Variants in UNC5C observed in about 807,000 individuals in gnomAD.
UNC5C encodes the protein unc-5 netrin receptor C, also known as netrin receptor UNC5C.
UNC5C carries 47 observed loss-of-function variants against 99.8 expected under a neutral mutation model. The observed-to-expected ratio is 0.47, with a 90% CI of 0.37 to 0.60. UNC5C has a LOEUF of 0.60. Ranked by LOEUF, UNC5C falls within the 20% of genes least tolerant of loss-of-function variation. The pLI is 0.00. For missense variants in UNC5C, 1,062 were observed against 1,165.9 expected (o/e 0.91, Z 1.30); for synonymous variants, 487 against 452.2 (o/e 1.08, Z -0.98).
chr4:95,379,324 A>C (rs1744992149), intron 1 of UNC5C, among the ~76,000 whole-genome samples: 2 of 152,188 alleles, frequency 1.3e-5, no homozygotes, highest in African/African-American at 4.8e-5. Context: ...CTATTGGAAA[A>C]TTTGCTAAAA....
intron 1 of UNC5C, among the ~76,000 whole-genome samples, chr4:95,344,195 G>A (rs923450160): frequency 2.6e-5 from 4 of 151,678 alleles, no homozygotes; most frequent in Non-Finnish European, 4.4e-5. Context: ...CCTAAACGCA[G>A]CAAGAGAAAA....
chr4:95,340,825 C>T (rs1371841193), intron 1 of UNC5C, among the ~76,000 whole-genome samples: 1 of 152,078 alleles, frequency 6.6e-6, no homozygotes, highest in African/African-American at 2.4e-5. Flanking sequence ...TTAATCTATC[C>T]TCCTAAGTGT....
At chr4:95,519,389 T>TC (rs1050562706) in intron 1 of UNC5C, among the ~76,000 whole-genome samples, 3 of 152,058 alleles carry the variant, frequency 2.0e-5, no homozygotes, top group African/African-American at 7.2e-5. Context: ...TAAATGATGT[T>TC]CCCCCTTAAG....
intron 14 of UNC5C, among the ~76,000 whole-genome samples, chr4:95,172,479 C>T (rs1256813536): frequency 1.3e-5 from 2 of 152,152 alleles, no homozygotes; most frequent in African/African-American, 4.8e-5. Flanking sequence ...TTCCTCAGCA[C>T]CATTTATTAA....
At chr4:95,492,843 G>C (rs980782408) in intron 1 of UNC5C, among the ~76,000 whole-genome samples, 6 of 151,404 alleles carry the variant, frequency 4.0e-5, no homozygotes, top group African/African-American at 1.5e-4. Flanking sequence ...TTTATTTGAT[G>C]TCATTTTCAC....
chr4:95,393,801 C>T (rs1055966994), intron 1 of UNC5C, among the ~76,000 whole-genome samples: 12 of 150,380 alleles, frequency 8.0e-5, no homozygotes, highest in African/African-American at 2.7e-4. Context: ...TACAGAGTTG[C>T]TTTCTTTAGA....
intron 1 of UNC5C, among the ~76,000 whole-genome samples, chr4:95,387,642 T>C (rs369270498): frequency 1.2e-3 from 176 of 152,352 alleles, no homozygotes; most frequent in Middle Eastern, 6.8e-3. Context: ...CCTAAAACTC[T>C]GTGTTTCTAT....
chr4:95,531,941 A>G (rs1266210133), intron 1 of UNC5C, among the ~76,000 whole-genome samples: 2 of 152,232 alleles, frequency 1.3e-5, no homozygotes, highest in African/African-American at 2.4e-5. Flanking sequence ...ATATTCCATA[A>G]GATAGAATTC....
At chr4:95,532,014 C>A (rs1449862802) in intron 1 of UNC5C, among the ~76,000 whole-genome samples, 2 of 152,204 alleles carry the variant, frequency 1.3e-5, no homozygotes, top group Admixed American at 1.3e-4. Flanking sequence ...TTGTACACCT[C>A]TTTAATTCCC....
intron 12 of UNC5C, among the ~76,000 whole-genome samples, chr4:95,194,365 A>C (rs895981003): frequency 1.3e-5 from 2 of 152,222 alleles, no homozygotes; most frequent in Admixed American, 1.3e-4. Context: ...TTGCCATAAG[A>C]AATCACCACT....
intron 1 of UNC5C, among the ~76,000 whole-genome samples, chr4:95,390,047 C>G (rs1323840849): frequency 1.3e-5 from 2 of 152,070 alleles, no homozygotes; most frequent in Non-Finnish European, 2.9e-5. Context: ...CCCCAAAACT[C>G]ACTGAAATGA....
chr4:95,521,102 C>T (rs941090572), intron 1 of UNC5C, among the ~76,000 whole-genome samples: 6 of 151,894 alleles, frequency 4.0e-5, no homozygotes, highest in African/African-American at 1.5e-4. Context: ...AGGATGCCTG[C>T]ATGATTAGAT....
At chr4:95,196,821 T>TTATATTTATGTAATATATAATA (rs1560726705) in intron 12 of UNC5C, among the ~76,000 whole-genome samples, 102 of 514 alleles carry the variant, frequency 0.2, no homozygotes, top group South Asian at 0.43. Context: ...TAATATATAT[T>TTATATTTATGTAATATATAATA]TATATATTAT....
intron 1 of UNC5C, among the ~76,000 whole-genome samples, chr4:95,450,423 A>G (rs1330203950): frequency 2.0e-5 from 3 of 152,292 alleles, no homozygotes; most frequent in South Asian, 2.1e-4. Context: ...GTGTGTCACT[A>G]TGAAACTCCT....
Position 95,416,595 on chromosome 4 carries a change from T to G in UNC5C, c.125-80964A>C, listed in dbSNP as rs556381768. Among the ~76,000 whole-genome samples, 8 of 152,316 alleles carry G rather than the reference T, an allele frequency of 5.3e-5. No homozygotes were observed. In the East Asian group the frequency reaches 1.5e-3, roughly 29 times the overall value. ...CAGGTATTATTTGATTCAGGTTAAA[T>G]GGAGACATTCGGACAATTAGGACAG... On this transcript the variant is annotated intron_variant, in intron 1 of 15. Coordinates refer to ENST00000453304, the MANE Select transcript of UNC5C (RefSeq NM_003728.4).
Position 95,202,972 on chromosome 4 carries a change from A to G in UNC5C, c.1903-8T>C. On this transcript the variant is annotated splice_polypyrimidine_tract_variant and splice_region_variant and intron_variant, in intron 11 of 15. Transcript: ENST00000453304. ...CCCGACCACCACCACATCCTGGGGG[A>G]CAAGAGGGAAGGGCCATGGCTAAGT... 1 of 1,613,840 alleles carries G rather than the reference A, an allele frequency of 6.2e-7. No individual in the cohort carries two copies.
At chr4:95,273,680 A>C (rs775462650) in intron 4 of UNC5C, among the ~76,000 whole-genome samples, 4 of 152,218 alleles carry the variant, frequency 2.6e-5, no homozygotes, top group Admixed American at 2.6e-4. Flanking sequence ...GGAAACACTG[A>C]GCTATATCAT....
intron 1 of UNC5C, among the ~76,000 whole-genome samples, chr4:95,390,729 T>C (rs1408097563): frequency 6.6e-6 from 1 of 152,196 alleles, no homozygotes; most frequent in African/African-American, 2.4e-5. Flanking sequence ...AGCAACTTGG[T>C]GACAGGCTTT....
intron 1 of UNC5C, among the ~76,000 whole-genome samples, chr4:95,471,169 C>T (rs1275496257): frequency 6.6e-6 from 1 of 151,858 alleles, no homozygotes; most frequent in Non-Finnish European, 1.5e-5. Flanking sequence ...ACTGAGAAGG[C>T]TGGAATTAAA....
Sources: gnomAD v4.1 joint callset for allele counts (sites outside exome capture counted in the v4.1 genomes callset) on GRCh38, gnomAD v4.1.1 for gene constraint, MANE v1.5 for transcripts, NCBI Gene and HGNC (gene_info 2026-07-23, HGNC 2026-07-21) for gene names.